NPAS3: variants seen among roughly 807,000 people sequenced by gnomAD.
NPAS3 encodes neuronal PAS domain-containing protein 3.
NPAS3 carries 14 observed loss-of-function variants against 73.1 expected under a neutral mutation model. The observed-to-expected ratio is 0.19, with a 90% confidence interval of 0.13 to 0.30. The LOEUF is 0.30. NPAS3 is among the 10% of genes least tolerant of loss of function. The pLI is 1.00. For synonymous variants in NPAS3, 620 were observed against 541.5 expected, an observed-to-expected ratio of 1.14 and a Z score of -2.01; for missense variants, 1,096 against 1,250.0, an observed-to-expected ratio of 0.88 and a Z score of 1.86.
At chr14:33,279,510 T>C (rs2041494991) in intron 3 of NPAS3, among the ~76,000 whole-genome samples, 1 of 152,134 alleles carries the variant, frequency 6.6e-6, no homozygotes, top group Non-Finnish European at 1.5e-5. Flanking sequence ...GCTAGAACCT[T>C]CTTCCTCAAA....
At chr14:33,287,409 G>A (rs542398282) in intron 3 of NPAS3, among the ~76,000 whole-genome samples, 33 of 152,186 alleles carry the variant, frequency 2.2e-4, no homozygotes, top group Non-Finnish European at 3.5e-4. Context: ...TGTAGGTCCT[G>A]GGAAGGTGGG....
chr14:33,413,294 A>T (rs1213467992), intron 4 of NPAS3, among the ~76,000 whole-genome samples: 3 of 144,858 alleles, frequency 2.1e-5, no homozygotes, highest in Non-Finnish European at 4.5e-5. Flanking sequence ...TTTTAATTTC[A>T]TTTGCTACCG....
intron 4 of NPAS3, among the ~76,000 whole-genome samples, chr14:33,429,737 T>G (rs78903332): frequency 6.6e-6 from 1 of 152,162 alleles, no homozygotes; most frequent in Non-Finnish European, 1.5e-5. Flanking sequence ...TTCAAAAGAA[T>G]GAGCTTTAAG....
At chr14:33,603,261 A>G (rs545458633) in intron 5 of NPAS3, among the ~76,000 whole-genome samples, 1 of 152,276 alleles carries the variant, frequency 6.6e-6, no homozygotes, top group South Asian at 2.1e-4. Flanking sequence ...GATATTAGTG[A>G]CCTAAAAACA....
intron 4 of NPAS3, among the ~76,000 whole-genome samples, chr14:33,432,957 T>C (rs1477173696): frequency 6.6e-6 from 1 of 152,226 alleles, no homozygotes; most frequent in East Asian, 1.9e-4. Flanking sequence ...ATTACATAGG[T>C]ATTCCATGTC....
chr14:33,416,773 G>A (rs1245436145), intron 4 of NPAS3, among the ~76,000 whole-genome samples: 4 of 151,836 alleles, frequency 2.6e-5, no homozygotes, highest in Non-Finnish European at 4.4e-5. Flanking sequence ...AAATGAAACC[G>A]ATTGTTTATT....
intron 1 of NPAS3, among the ~76,000 whole-genome samples, chr14:33,037,439 G>A (rs968332644): frequency 3.3e-5 from 5 of 150,126 alleles, no homozygotes; most frequent in Non-Finnish European, 5.9e-5. Context: ...GAGCCCATGA[G>A]TTTGAGACCA....
chr14:33,562,047 A>T (rs1368098464), intron 5 of NPAS3, among the ~76,000 whole-genome samples: 1 of 152,202 alleles, frequency 6.6e-6, no homozygotes, highest in African/African-American at 2.4e-5. Context: ...CATTTCAGTC[A>T]GTCCTCCTGC....
chr14:33,652,866 T>G (rs1380838262), intron 5 of NPAS3, among the ~76,000 whole-genome samples: 1 of 152,190 alleles, frequency 6.6e-6, no homozygotes, highest in Non-Finnish European at 1.5e-5. Context: ...GTTGACATCA[T>G]CCCCTTGCTT....
chr14:33,690,797 C>T (rs2060214174), intron 6 of NPAS3, among the ~76,000 whole-genome samples: 1 of 150,882 alleles, frequency 6.6e-6, no homozygotes, highest in Non-Finnish European at 1.5e-5. Context: ...TTTGATTCTG[C>T]CTCTGGATAT....
chr14:33,642,929 A>G (rs2058714344), intron 5 of NPAS3, among the ~76,000 whole-genome samples: 1 of 152,174 alleles, frequency 6.6e-6, no homozygotes, highest in African/African-American at 2.4e-5. Flanking sequence ...AGGTATCTTG[A>G]GTAACTTTAC....
At chr14:33,678,047 T>C (rs1156838370) in intron 6 of NPAS3, among the ~76,000 whole-genome samples, 1 of 152,218 alleles carries the variant, frequency 6.6e-6, no homozygotes, top group East Asian at 1.9e-4. Flanking sequence ...TAAGCCTTTG[T>C]ATGAGGGAAG....
At chr14:33,047,790 C>T (rs893179250) in intron 1 of NPAS3, among the ~76,000 whole-genome samples, 1 of 152,152 alleles carries the variant, frequency 6.6e-6, no homozygotes, top group Non-Finnish European at 1.5e-5. Flanking sequence ...TCGGTCACTA[C>T]TTTTCTGGTT....
At chr14:33,735,762 C>T (rs2061508871) in intron 7 of NPAS3, among the ~76,000 whole-genome samples, 2 of 151,118 alleles carry the variant, frequency 1.3e-5, no homozygotes, top group South Asian at 2.1e-4. Flanking sequence ...ACATCTTAGC[C>T]ACCGAGATTT....
intron 4 of NPAS3, among the ~76,000 whole-genome samples, chr14:33,400,158 T>C (rs986315921): frequency 6.6e-6 from 1 of 152,170 alleles, no homozygotes; most frequent in East Asian, 1.9e-4. Context: ...GAATTTTCCT[T>C]ACATTTTTAA....
At chr14:33,251,324 A>G (rs950974467) in intron 3 of NPAS3, among the ~76,000 whole-genome samples, 2 of 152,066 alleles carry the variant, frequency 1.3e-5, no homozygotes, top group Non-Finnish European at 2.9e-5. Context: ...AACAAAATTA[A>G]TGCTATGTAT....
intron 4 of NPAS3, among the ~76,000 whole-genome samples, chr14:33,477,241 C>A (rs1377335309): frequency 6.6e-6 from 1 of 152,114 alleles, no homozygotes; most frequent in Admixed American, 6.6e-5. Context: ...ATGCTTTTCT[C>A]AGAACCCTTT....
intron 2 of NPAS3, among the ~76,000 whole-genome samples, chr14:33,124,178 AT>A (rs2043342541): frequency 6.6e-6 from 1 of 151,976 alleles, no homozygotes; most frequent in Non-Finnish European, 1.5e-5. Flanking sequence ...TAGAGGAAAG[AT>A]TGTGTACATT....
At chr14:33,131,087 C>T (rs2043618382) in intron 2 of NPAS3, among the ~76,000 whole-genome samples, 2 of 152,060 alleles carry the variant, frequency 1.3e-5, no homozygotes, top group African/African-American at 4.8e-5. Context: ...CCTTGTTGTC[C>T]TCTACTTGTC....
Sources: gnomAD v4.1 joint callset for allele counts (sites outside exome capture counted in the v4.1 genomes callset) on GRCh38, gnomAD v4.1.1 for gene constraint, MANE v1.5 for transcripts, NCBI Gene and HGNC (gene_info 2026-07-23, HGNC 2026-07-21) for gene names.